The following XKR4 variants were observed in gnomAD, a reference collection of about 807,000 sequenced individuals.
XKR4 encodes XK related 4, also known as XK-related protein 4.
A neutral mutation model predicts 53.9 loss-of-function variants in XKR4; 12 were observed. The ratio of observed to expected loss-of-function variants is 0.22; its 90% CI spans 0.14 to 0.36. The LOEUF is 0.36. XKR4 is among the 10% of genes least tolerant of loss of function. The pLI, the probability that XKR4 is intolerant of heterozygous loss-of-function variation, is 1.00. For synonymous variants in XKR4, 354 were observed against 362.4 expected (o/e 0.98, Z 0.26); for missense variants, 799 against 859.5 (o/e 0.93, Z 0.88).
intron 1 of XKR4, among the ~76,000 whole-genome samples, chr8:55,236,319 C>T (rs1395712688): frequency 2.0e-5 from 3 of 152,138 alleles, no homozygotes; most frequent in African/African-American, 7.2e-5. Context: ...TACAGTCCAG[C>T]CCTGGCCTGG....
intron 2 of XKR4, among the ~76,000 whole-genome samples, chr8:55,391,030 C>T (rs953879098): frequency 1.3e-5 from 2 of 151,620 alleles, no homozygotes; most frequent in African/African-American, 4.8e-5. Context: ...ATATGAAACA[C>T]AAAAAAAATG....
intron 1 of XKR4, among the ~76,000 whole-genome samples, chr8:55,201,628 T>C (rs1172665925): frequency 6.6e-6 from 1 of 152,202 alleles, no homozygotes; most frequent in Non-Finnish European, 1.5e-5. Context: ...GGCTAAAATT[T>C]GTGACTTAAG....
At chr8:55,348,691 TAC>T (rs796321076) in intron 1 of XKR4, among the ~76,000 whole-genome samples, 1,679 of 135,668 alleles carry the variant, frequency 0.012, 15 homozygotes, top group African/African-American at 0.028. Context: ...CAGACAAACA[TAC>T]ACACACACAC....
chr8:55,527,576 A>T lies in XKR4; in HGVS notation c.*3349A>T, dbSNP rs1772690320. The T allele has an allele frequency of 6.6e-6, 1 of 152,232 alleles. No individual in the cohort carries two copies. The highest frequency in any genetic ancestry group is 1.5e-5 in the Non-Finnish European group (1 of 68,034). 9.4% of individuals were successfully genotyped at this position (152,232 alleles called of 1,614,324 possible). ...TGAAAGAAAAGGAAATAATTTTTCC[A>T]TGTAAGTCAAAGTTTAGTCTCCCAA... is the stretch of plus-strand genomic sequence containing the variant. On this transcript the variant is annotated 3_prime_UTR_variant, in exon 3 of 3. Coordinates refer to ENST00000327381, the MANE Select transcript of XKR4 (RefSeq NM_052898.2).
chr8:55,151,554 C>G (rs1816840109), intron 1 of XKR4, among the ~76,000 whole-genome samples: 2 of 152,090 alleles, frequency 1.3e-5, no homozygotes, highest in Admixed American at 1.3e-4. Flanking sequence ...TTATCATAAT[C>G]TATTATAGTA....
At chr8:55,521,218 C>G (rs773428725) in intron 2 of XKR4, among the ~76,000 whole-genome samples, 1 of 152,190 alleles carries the variant, frequency 6.6e-6, no homozygotes, top group Non-Finnish European at 1.5e-5. Flanking sequence ...AAGTGGTACA[C>G]ATAAGAAGAG....
At chr8:55,449,801 GC>G in intron 2 of XKR4, 1 of 1,202,686 alleles carries the variant, frequency 8.3e-7, no homozygotes, top group Non-Finnish European at 1.2e-6. Flanking sequence ...CTTCATGAAG[GC>G]CCCCTTCTTG....
intron 2 of XKR4, among the ~76,000 whole-genome samples, chr8:55,408,929 C>T (rs1373455204): frequency 6.6e-6 from 1 of 151,586 alleles, no homozygotes; most frequent in African/African-American, 2.4e-5. Context: ...ATCCCTTGAA[C>T]CCGGGAAGCA....
chr8:55,315,872 A>G (rs750165498), intron 1 of XKR4, among the ~76,000 whole-genome samples: 31 of 152,308 alleles, frequency 2.0e-4, no homozygotes, highest in Non-Finnish European at 3.4e-4. Context: ...ACACAGGAAC[A>G]TGATAGCATC....
Position 55,510,230 on chromosome 8 carries a change from G to C in XKR4, c.1007-13051G>C, listed in dbSNP as rs531774858. Among the ~76,000 whole-genome samples, 134 of 152,264 alleles carry C rather than the reference G, an allele frequency of 8.8e-4. 1 individual carries two copies. Among genetic ancestry groups the C allele is most frequent in the African/African-American group, 3.2e-3 (133 of 41,568 alleles). The stretch of plus-strand genomic sequence containing the variant: ...ACGGCTTCCTGAGCCAGGATCCCAG[G>C]AGTCCTCCAGGTGGGCAAAGGAGTC... On this transcript the variant is annotated intron_variant, in intron 2 of 2. Coordinates refer to ENST00000327381, the MANE Select transcript of XKR4 (RefSeq NM_052898.2).
chr8:55,411,622 C>T (rs1422870720), intron 2 of XKR4, among the ~76,000 whole-genome samples: 1 of 152,214 alleles, frequency 6.6e-6, no homozygotes, highest in Non-Finnish European at 1.5e-5. Flanking sequence ...ATGAGTGACC[C>T]AAGCCCATTG....
intron 2 of XKR4, among the ~76,000 whole-genome samples, chr8:55,482,712 C>T (rs546511825): frequency 7.8e-4 from 118 of 151,984 alleles, no homozygotes; most frequent in Admixed American, 1.6e-3. Context: ...GAAAGGAGTC[C>T]AATATACACT....
At chr8:55,351,032 T>G (rs1043216478) in intron 1 of XKR4, among the ~76,000 whole-genome samples, 6 of 152,184 alleles carry the variant, frequency 3.9e-5, no homozygotes, top group Non-Finnish European at 7.4e-5. Flanking sequence ...TGAGCCACCA[T>G]GCCCAGCCAG....
intron 1 of XKR4, among the ~76,000 whole-genome samples, chr8:55,291,185 A>G (rs4255115): frequency 0.74 from 112,365 of 152,064 alleles, 44,990 homozygotes; most frequent in Non-Finnish European, 0.91. Context: ...ATATATGTGT[A>G]GGTCCATTTC....
intron 1 of XKR4, among the ~76,000 whole-genome samples, chr8:55,252,730 G>C (rs1409591020): frequency 1.8e-4 from 28 of 152,172 alleles, no homozygotes. Flanking sequence ...GTAGTTTACT[G>C]CTTTCTGATG....
chr8:55,267,346 C>T (rs546770896), intron 1 of XKR4, among the ~76,000 whole-genome samples: 1 of 152,266 alleles, frequency 6.6e-6, no homozygotes, highest in African/African-American at 2.4e-5. Flanking sequence ...TAAAGAATGT[C>T]TGCATATAAT....
intron 1 of XKR4, among the ~76,000 whole-genome samples, chr8:55,296,618 A>G (rs1387878431): frequency 6.6e-6 from 1 of 152,206 alleles, no homozygotes; most frequent in Non-Finnish European, 1.5e-5. Context: ...TAGAGAATTA[A>G]TGAACAACAA....
intron 2 of XKR4, among the ~76,000 whole-genome samples, chr8:55,386,199 G>A (rs1483639765): frequency 2.6e-5 from 4 of 152,098 alleles, no homozygotes; most frequent in Admixed American, 1.3e-4. Flanking sequence ...CATCCTCGGG[G>A]AGCCCTTCCT....
chr8:55,478,996 C>G (rs975047782), intron 2 of XKR4, among the ~76,000 whole-genome samples: 13 of 152,172 alleles, frequency 8.5e-5, no homozygotes, highest in Admixed American at 5.9e-4. Context: ...ATCAACTAAA[C>G]AGAAAGTTAA....
Sources: gnomAD v4.1 joint callset for allele counts (sites outside exome capture counted in the v4.1 genomes callset) on GRCh38, gnomAD v4.1.1 for gene constraint, MANE v1.5 for transcripts, NCBI Gene and HGNC (gene_info 2026-07-23, HGNC 2026-07-21) for gene names.